The following CEMIP variants were observed in gnomAD, a reference collection of about 807,000 sequenced individuals.
The protein encoded by CEMIP is cell migration-inducing and hyaluronan-binding protein.
Under a neutral mutation model 156.9 loss-of-function variants are expected in CEMIP, and 105 were observed. The ratio of observed to expected loss-of-function variants is 0.67; its 90% CI spans 0.57 to 0.79. The LOEUF (loss-of-function observed/expected upper bound fraction) is 0.79, where lower values mean the gene tolerates loss of function less well. CEMIP is among the 30% of genes least tolerant of loss of function. CEMIP has a pLI of 0.00. For synonymous variants in CEMIP, 676 were observed against 668.4 expected (o/e 1.01, Z -0.17); for missense variants, 1,457 against 1,769.4 (o/e 0.82, Z 3.17).
At chr15:80,922,288 G>A in intron 17 of CEMIP, 151 bp downstream of exon 17, 1 of 1,001,036 alleles carries the variant, frequency 1.0e-6, no homozygotes, top group Non-Finnish European at 1.5e-6. Flanking sequence ...AGCCTTGCGA[G>A]GCCTCCCAGG....
intron 28 of CEMIP, chr15:80,946,513 G>A (rs571147710): frequency 6.1e-5 from 11 of 181,580 alleles, no homozygotes; most frequent in East Asian, 1.3e-4. Flanking sequence ...CCGCCTTCCC[G>A]CACCTCCTCT....
rs1337385832 is a variant in CEMIP at position 80,951,293 on chromosome 15, T to C, written c.*2369T>C. Reference sequence around the variant, plus strand: ...TTGAAAGTTCTCAGAGTTGTACATATGTTTCACAGTACAGGATCTGTACAT... The same window carrying C: ...TTGAAAGTTCTCAGAGTTGTACATACGTTTCACAGTACAGGATCTGTACAT... On this transcript the variant is annotated 3_prime_UTR_variant, in exon 30 of 30. Transcript: ENST00000394685. 6.5e-6 allele frequency: 1 copy of C among 152,676 alleles called. No homozygotes were observed. Among genetic ancestry groups the C allele is most frequent in the Non-Finnish European group, 1.5e-5 (1 of 68,046 alleles). The allele number at this position is 152,676 out of a possible 1,614,324, so 9.5% of individuals were successfully genotyped here.
chr15:80,909,653 T>A (rs28450224), intron 14 of CEMIP: 1 of 468,170 alleles, frequency 2.1e-6, no homozygotes, highest in African/African-American at 2.0e-5. Flanking sequence ...AGGGGGATCA[T>A]GCGAAGACCC....
At chr15:80,893,547 CAG>C (rs1899108728) in intron 10 of CEMIP, among the ~76,000 whole-genome samples, 3 of 152,188 alleles carry the variant, frequency 2.0e-5, no homozygotes, top group Non-Finnish European at 1.5e-5. Flanking sequence ...ATGCTACCCT[CAG>C]GGGAAAACTT....
intron 1 of CEMIP, among the ~76,000 whole-genome samples, chr15:80,787,792 C>G (rs910384035): frequency 1.3e-5 from 2 of 152,206 alleles, no homozygotes; most frequent in African/African-American, 4.8e-5. Flanking sequence ...TGGCTGCTGC[C>G]TGGGCTCTCA....
At chr15:80,807,034 C>T (rs190371894) in intron 1 of CEMIP, among the ~76,000 whole-genome samples, 94 of 152,238 alleles carry the variant, frequency 6.2e-4, no homozygotes, top group African/African-American at 2.1e-3. Context: ...AATCGGTGAT[C>T]AATGTCAAAT....
chr15:80,882,024 G>A (rs1479395367), intron 6 of CEMIP, among the ~76,000 whole-genome samples: 7 of 152,150 alleles, frequency 4.6e-5, no homozygotes, highest in Non-Finnish European at 8.8e-5. Context: ...ACAGAGGTGG[G>A]GTAGACAAAC....
intron 1 of CEMIP, among the ~76,000 whole-genome samples, chr15:80,826,988 C>T (rs541084311): frequency 3.2e-4 from 48 of 152,108 alleles, no homozygotes; most frequent in Non-Finnish European, 6.0e-4. Context: ...GTTACTTGTC[C>T]CAAGTCCTAC....
intron 7 of CEMIP, among the ~76,000 whole-genome samples, chr15:80,886,669 G>T (rs1439485100): frequency 1.3e-5 from 2 of 152,138 alleles, no homozygotes; most frequent in African/African-American, 4.8e-5. Flanking sequence ...AGTTTTAAAC[G>T]ACATGGGAGC....
rs578128171 is a variant in CEMIP, at chr15:80,795,873, G to A, written c.-176+16259G>A. Among the ~76,000 whole-genome samples, 170 of 152,276 alleles carry A rather than the reference G, an allele frequency of 1.1e-3. 1 individual carries two copies. The highest frequency in any genetic ancestry group is 3.2e-3 in the African/African-American group (134 of 41,560). On this transcript the variant is annotated intron_variant, in intron 1 of 29. Transcript: ENST00000394685. ...TGAGCCCAGGAGTTTGAGGCTGCAT[G>A]GAGCCATGATTGTACCACTACACTC...
At chr15:80,824,243 G>A (rs943820656) in intron 1 of CEMIP, among the ~76,000 whole-genome samples, 1 of 152,160 alleles carries the variant, frequency 6.6e-6, no homozygotes, top group African/African-American at 2.4e-5. Flanking sequence ...ATATTTCATG[G>A]CTGTGCTATA....
intron 5 of CEMIP, among the ~76,000 whole-genome samples, 189 bp from the exon 6 acceptor site, chr15:80,880,711 C>T (rs1403340605): frequency 6.6e-6 from 1 of 152,202 alleles, no homozygotes; most frequent in Non-Finnish European, 1.5e-5. Context: ...GCTGGGATTA[C>T]AGGCATGAGC....
intron 1 of CEMIP, among the ~76,000 whole-genome samples, chr15:80,840,115 G>T (rs186334635): frequency 2.3e-3 from 348 of 152,334 alleles, no homozygotes; most frequent in Non-Finnish European, 4.1e-3. Context: ...AGTGGAAAGG[G>T]GGGTGTCTAA....
chr15:80,924,630 A>G lies in CEMIP; in HGVS notation c.2212A>G (p.Ile738Val). 1.2e-6 allele frequency: 2 copies of G among 1,614,168 alleles called. No homozygotes were observed. The highest frequency in any genetic ancestry group is 1.7e-6 in the Non-Finnish European group (2 of 1,180,000). Residue 738 changes from isoleucine (I) to valine (V), a missense_variant, in exon 18 of 30, where the codon ATC (isoleucine) becomes GTC (valine). Coordinates refer to ENST00000394685, the MANE Select transcript of CEMIP (RefSeq NM_001293298.2). The stretch of plus-strand genomic sequence containing the variant: ...TATCTCTTCCCTGCAGGCTGGCATG[A>G]TCATAGACAACGGAGTCAAAACCAC... The part of the protein sequence containing the change: ...RAHSNYRAGM[I>V]IDNGVKTTEA...
At chr15:80,900,638 G>GTGTGTGTGTGTGTC (rs1567090910) in intron 12 of CEMIP, among the ~76,000 whole-genome samples, 1,205 of 100,646 alleles carry the variant, frequency 0.012, 7 homozygotes, top group Admixed American at 0.02. Context: ...GTGTGTGTGT[G>GTGTGTGTGTGTGTC]TGTGTGTGTG....
chr15:80,838,076 C>A (rs897190607), intron 1 of CEMIP, among the ~76,000 whole-genome samples: 33 of 152,194 alleles, frequency 2.2e-4, no homozygotes, highest in African/African-American at 8.0e-4. Flanking sequence ...GTTCCCTGCC[C>A]CAGACTCTCT....
intron 23 of CEMIP, 119 bp from the exon 24 acceptor site, chr15:80,936,555 G>T: frequency 1.5e-5 from 13 of 884,402 alleles, no homozygotes; most frequent in Non-Finnish European, 1.9e-5. Context: ...TTCTAAAAAG[G>T]GTTCTGTAAA....
At chr15:80,933,963 T>C in intron 23 of CEMIP, among the ~76,000 whole-genome samples, 1 of 152,222 alleles carries the variant, frequency 6.6e-6, no homozygotes, top group East Asian at 1.9e-4. Flanking sequence ...ACTTTAATTG[T>C]ATTAAAAATA....
intron 29 of CEMIP, chr15:80,947,429 T>C: frequency 3.6e-6 from 1 of 276,386 alleles, no homozygotes; most frequent in Non-Finnish European, 7.1e-6. Context: ...CCAGGGGTCC[T>C]GCATCTTCTT....
Sources: allele counts gnomAD v4.1 joint callset (sites outside exome capture counted in the v4.1 genomes callset), GRCh38; gene constraint gnomAD v4.1.1; transcripts MANE v1.5; gene names NCBI Gene and HGNC (gene_info 2026-07-23, HGNC 2026-07-21).